Variants in FKBP6 observed in about 807,000 individuals in gnomAD.
The protein encoded by FKBP6 is inactive peptidyl-prolyl cis-trans isomerase FKBP6.
A neutral mutation model predicts 41.7 loss-of-function variants in FKBP6; 29 were observed. The observed-to-expected ratio is 0.70, with a 90% confidence interval of 0.52 to 0.95. The LOEUF (loss-of-function observed/expected upper bound fraction) is 0.95. FKBP6 is among the 40% of genes least tolerant of loss of function. The probability of loss-of-function intolerance (pLI) is 0.00; values close to 1 mark genes in which losing one functional copy is unlikely to be tolerated. For synonymous variants in FKBP6, 130 were observed against 165.1 expected (o/e 0.79, Z 1.63); for missense variants, 338 against 408.7 (o/e 0.83, Z 1.49).
intron 5 of FKBP6, among the ~76,000 whole-genome samples, chr7:73,335,414 C>T (rs767647031): frequency 3.3e-5 from 5 of 152,132 alleles, no homozygotes; most frequent in African/African-American, 7.2e-5. Flanking sequence ...GCCAAGGGAC[C>T]GGCATTCTGG....
At chr7:73,333,927 C>T (rs1334749937) in intron 5 of FKBP6, among the ~76,000 whole-genome samples, 2 of 152,060 alleles carry the variant, frequency 1.3e-5, no homozygotes, top group Non-Finnish European at 2.9e-5. Context: ...CAAAAATTAG[C>T]TGGGCGTGTT....
At chr7:73,337,701 AT>A (rs1234122966) in intron 5 of FKBP6, among the ~76,000 whole-genome samples, 7 of 150,804 alleles carry the variant, frequency 4.6e-5, no homozygotes, top group African/African-American at 7.3e-5. Context: ...TTGTTTTACT[AT>A]TTTTTTTCTT....
At chr7:73,348,241 A>G (rs781993151) in intron 8 of FKBP6, among the ~76,000 whole-genome samples, 12 of 152,128 alleles carry the variant, frequency 7.9e-5, no homozygotes, top group Non-Finnish European at 1.8e-4. Context: ...TTCATCAATC[A>G]AATATTTGAA....
Position 73,328,483 on chromosome 7 carries a change from C to G in FKBP6, c.55C>G (p.Gln19Glu), listed in dbSNP as rs782623237. Residue 19 changes from glutamine to glutamate, a missense_variant and splice_region_variant, in exon 1 of 9, where the codon CAG becomes GAG. By Grantham distance (29) the Gln-to-Glu change is conservative (BLOSUM62 2). This residue lies in a region of FKBP6 where 99 missense variants were observed against 158.6 expected (regional missense o/e 0.62). Coordinates refer to ENST00000252037, the MANE Select transcript of FKBP6 (RefSeq NM_003602.5). ...GVLEGDDAPG[Q>E]SLYERLSQRM... ...CCTGGAAGGGGACGACGCCCCCGGCCAGGTGAGGGCCCAGACGTTTCGGGG... is the reference window on the plus strand; with the variant it reads ...CCTGGAAGGGGACGACGCCCCCGGCGAGGTGAGGGCCCAGACGTTTCGGGG... 6.4e-7 allele frequency: 1 copy of G among 1,555,106 alleles called. No individual in the cohort carries two copies. Among genetic ancestry groups the G allele is most frequent in the Non-Finnish European group, 8.7e-7 (1 of 1,148,348 alleles).
Position 73,341,749 on chromosome 7 carries a change from C to T in FKBP6, c.893+367C>T, listed in dbSNP as rs184680464. Among the ~76,000 whole-genome samples the T allele has an allele frequency of 1.1e-4, 16 of 151,400 alleles. No homozygotes were observed. In the East Asian group the frequency reaches 1.6e-3, roughly 15 times the overall value. On this transcript the variant is annotated intron_variant, in intron 7 of 8. Coordinates refer to ENST00000252037, the MANE Select transcript of FKBP6 (RefSeq NM_003602.5). ...CATGATCTCGGCTCACTGCAACCTCCGCGTCCCGAGTTCAGACGATTCTCC... is the reference window on the plus strand; with the variant it reads ...CATGATCTCGGCTCACTGCAACCTCTGCGTCCCGAGTTCAGACGATTCTCC...
chr7:73,335,971 C>T (rs1554548510), intron 5 of FKBP6, among the ~76,000 whole-genome samples: 2 of 152,154 alleles, frequency 1.3e-5, no homozygotes, highest in Non-Finnish European at 2.9e-5. Context: ...ACATTGTCAG[C>T]ACCACTGTGT....
intron 5 of FKBP6, among the ~76,000 whole-genome samples, chr7:73,339,982 A>G (rs540449110): frequency 6.6e-6 from 1 of 152,356 alleles, no homozygotes; most frequent in South Asian, 2.1e-4. Context: ...GTAGGGTTGC[A>G]TGAATATGTT....
intron 8 of FKBP6, among the ~76,000 whole-genome samples, chr7:73,348,399 A>G (rs1328661304): frequency 1.3e-5 from 2 of 152,212 alleles, no homozygotes; most frequent in African/African-American, 4.8e-5. Context: ...GGTAAAGCCA[A>G]GGTTTCCTTC....
chr7:73,330,646 A>T (rs1321855626), intron 4 of FKBP6, among the ~76,000 whole-genome samples: 1 of 152,210 alleles, frequency 6.6e-6, no homozygotes, highest in African/African-American at 2.4e-5. Flanking sequence ...GACAGTGAAC[A>T]CTTGCTTTTC....
At chr7:73,331,902 C>T (rs372751157) in intron 5 of FKBP6, 126 bp downstream of exon 5, 33 of 995,540 alleles carry the variant, frequency 3.3e-5, no homozygotes, top group Admixed American at 2.5e-4. Context: ...GTCGCTCTGT[C>T]GCCCAGGCTG....
At chr7:73,341,664 CTT>C (rs5884907) in intron 7 of FKBP6, among the ~76,000 whole-genome samples, 15 of 134,248 alleles carry the variant, frequency 1.1e-4, no homozygotes, top group African/African-American at 1.1e-4. Flanking sequence ...GAGGGTGTCA[CTT>C]TTTTTTTTTT....
At chr7:73,355,991 G>A (rs995605609) in intron 8 of FKBP6, among the ~76,000 whole-genome samples, 9 of 150,308 alleles carry the variant, frequency 6.0e-5, no homozygotes, top group Non-Finnish European at 7.4e-5. Context: ...GCTTGAACCC[G>A]GGAGGCGGAG....
At chr7:73,345,712 C>T (rs530094359) in intron 8 of FKBP6, among the ~76,000 whole-genome samples, 1 of 152,288 alleles carries the variant, frequency 6.6e-6, no homozygotes, top group East Asian at 1.9e-4. Flanking sequence ...AGGTCAGCAC[C>T]AGTAAGCTGA....
intron 8 of FKBP6, among the ~76,000 whole-genome samples, chr7:73,351,603 G>A (rs1283353507): frequency 1.3e-5 from 2 of 152,116 alleles, no homozygotes; most frequent in Non-Finnish European, 2.9e-5. Flanking sequence ...TTCGGTGGCT[G>A]CCTTTTCATC....
intron 8 of FKBP6, among the ~76,000 whole-genome samples, chr7:73,347,002 T>C (rs1465929070): frequency 6.6e-6 from 1 of 152,044 alleles, no homozygotes; most frequent in East Asian, 1.9e-4. Flanking sequence ...GAAAACTCCA[T>C]GAGGGGCGGC....
chr7:73,329,281 T>C (rs1804751552), intron 2 of FKBP6, 79 bp from the exon 3 acceptor site: 3 of 847,256 alleles, frequency 3.5e-6, no homozygotes, highest in Non-Finnish European at 6.3e-6. Flanking sequence ...ATTGTTTCTG[T>C]GTGATCATGA....
intron 8 of FKBP6, 135 bp downstream of exon 8, chr7:73,343,034 A>C: frequency 1.4e-6 from 1 of 730,864 alleles, no homozygotes; most frequent in South Asian, 1.4e-5. Context: ...TGTAAAGAAC[A>C]ACACAACGGT....
chr7:73,335,368 G>A (rs1804973946), intron 5 of FKBP6, among the ~76,000 whole-genome samples: 1 of 152,214 alleles, frequency 6.6e-6, no homozygotes, highest in Non-Finnish European at 1.5e-5. Context: ...TTTCCTCAGG[G>A]TCCATTGAGT....
chr7:73,355,008 C>T (rs782154522), intron 8 of FKBP6, among the ~76,000 whole-genome samples: 13 of 152,344 alleles, frequency 8.5e-5, no homozygotes, highest in Middle Eastern at 3.4e-3. Flanking sequence ...CCCGTGGCTC[C>T]GCGATTACAT....
Sources: gnomAD v4.1 joint callset for allele counts (sites outside exome capture counted in the v4.1 genomes callset) on GRCh38, gnomAD v4.1.1 for gene constraint, gnomAD v4.1.1 regional missense constraint, MANE v1.5 for transcripts, NCBI Gene and HGNC (gene_info 2026-07-23, HGNC 2026-07-21) for gene names.